RABGAP1: variants seen among roughly 807,000 people sequenced by gnomAD.
RABGAP1 encodes rab GTPase-activating protein 1.
In RABGAP1, 23 loss-of-function variants were observed where a neutral mutation model predicts 137.6. The ratio of observed to expected loss-of-function variants is 0.17; its 90% CI spans 0.12 to 0.24. The LOEUF is 0.24. RABGAP1 is among the 10% of genes least tolerant of loss of function. The probability of loss-of-function intolerance (pLI) is 1.00; values close to 1 mark genes in which losing one functional copy is unlikely to be tolerated. For synonymous variants in RABGAP1, 451 were observed against 450.7 expected (o/e 1.00, Z -0.01); for missense variants, 906 against 1,275.8 (o/e 0.71, Z 4.42).
chr9:122,988,005 A>G (rs1032506726), intron 4 of RABGAP1, among the ~76,000 whole-genome samples: 1 of 152,184 alleles, frequency 6.6e-6, no homozygotes, highest in African/African-American at 2.4e-5. Flanking sequence ...AATAATCTGT[A>G]TATGTAATTT....
At chr9:123,019,925 A>T (rs2131923535) in intron 12 of RABGAP1, among the ~76,000 whole-genome samples, 1 of 151,982 alleles carries the variant, frequency 6.6e-6, no homozygotes, top group East Asian at 1.9e-4. Flanking sequence ...CTCAGGTGAT[A>T]TACCCACCTC....
chr9:123,074,510 T>G, intron 17 of RABGAP1, 82 bp downstream of exon 17: 1 of 1,399,886 alleles, frequency 7.1e-7, no homozygotes, highest in Non-Finnish European at 9.7e-7. Context: ...GTGTCAGCTC[T>G]GTCAAAACAG....
intron 13 of RABGAP1, among the ~76,000 whole-genome samples, chr9:123,039,329 AG>A (rs2032834909): frequency 6.6e-6 from 1 of 152,170 alleles, no homozygotes; most frequent in African/African-American, 2.4e-5. Flanking sequence ...TCTGAAGGCA[AG>A]GGACAGTGTC....
intron 13 of RABGAP1, chr9:123,029,269 C>T: frequency 5.9e-6 from 3 of 509,436 alleles, no homozygotes; most frequent in Non-Finnish European, 1.1e-5. Context: ...AATAAACTCA[C>T]ATCAGCTGCA....
At chr9:122,961,063 G>A (rs1834826416) in intron 2 of RABGAP1, among the ~76,000 whole-genome samples, 1 of 151,984 alleles carries the variant, frequency 6.6e-6, no homozygotes, top group African/African-American at 2.4e-5. Context: ...TGTAATAGGA[G>A]TATCAAAAGG....
At chr9:122,968,587 C>G (rs751288481) in intron 2 of RABGAP1, among the ~76,000 whole-genome samples, 6 of 151,912 alleles carry the variant, frequency 3.9e-5, no homozygotes, top group Non-Finnish European at 7.4e-5. Context: ...CAGTTATACT[C>G]TTTTACTTTT....
chr9:123,079,851 G>C (rs560480634), intron 19 of RABGAP1, among the ~76,000 whole-genome samples: 127 of 152,190 alleles, frequency 8.3e-4, no homozygotes, highest in African/African-American at 2.9e-3. Flanking sequence ...ATGCCATTAC[G>C]TCCTTATCCT....
intron 10 of RABGAP1, among the ~76,000 whole-genome samples, chr9:122,999,051 A>G (rs142253978): frequency 1.6e-4 from 25 of 152,270 alleles, no homozygotes; most frequent in African/African-American, 5.3e-4. Context: ...ACTTCTCTAG[A>G]TGAAAATGTC....
chr9:123,095,831 T>G (rs1389519433), intron 21 of RABGAP1, among the ~76,000 whole-genome samples: 1 of 152,198 alleles, frequency 6.6e-6, no homozygotes, highest in East Asian at 1.9e-4. Flanking sequence ...CTTATACAAG[T>G]TTATTAGTAG....
intron 2 of RABGAP1, among the ~76,000 whole-genome samples, chr9:122,981,024 TTTGTTG>T (rs145998509): frequency 5.9e-5 from 9 of 151,788 alleles, no homozygotes; most frequent in Admixed American, 2.0e-4. Flanking sequence ...GTGGAGGTTT[TTTGTTG>T]TTGTTGTTGT....
chr9:123,080,245 G>A (rs1398751107), intron 19 of RABGAP1, among the ~76,000 whole-genome samples: 3 of 152,126 alleles, frequency 2.0e-5, no homozygotes, highest in African/African-American at 7.2e-5. Flanking sequence ...CAGTGTGTCT[G>A]CACAGCACAT....
intron 2 of RABGAP1, among the ~76,000 whole-genome samples, chr9:122,973,650 A>C (rs1835595686): frequency 6.6e-6 from 1 of 152,176 alleles, no homozygotes; most frequent in Admixed American, 6.5e-5. Flanking sequence ...CAGATAACAA[A>C]AGTCACTCTG....
intron 2 of RABGAP1, among the ~76,000 whole-genome samples, chr9:122,961,696 T>C (rs1834860258): frequency 6.6e-6 from 1 of 152,220 alleles, no homozygotes; most frequent in African/African-American, 2.4e-5. Flanking sequence ...TATAGGCACT[T>C]AATAGCTGTA....
intron 6 of RABGAP1, 160 bp downstream of exon 6, chr9:122,990,373 G>A: frequency 1.9e-6 from 1 of 533,188 alleles, no homozygotes; most frequent in Non-Finnish European, 2.9e-6. Flanking sequence ...ATTTAACAGA[G>A]GCAAAGTTTG....
Position 123,099,548 on chromosome 9 carries a change from G to A in RABGAP1, c.2888G>A (p.Arg963Gln), listed in dbSNP as rs765028510. The A allele has an allele frequency of 2.0e-5, 32 of 1,604,218 alleles. No homozygotes were observed. Among genetic ancestry groups the A allele is most frequent in the Admixed American group, 5.0e-5 (3 of 59,982 alleles). The change falls in exon 24 of 26, where the codon CGG (arginine) becomes CAG (glutamine). Residue 963 changes from arginine (R) to glutamine (Q), a missense_variant and splice_region_variant. Physicochemically the swap from Arg to Gln is conservative, Grantham distance 43. Around this residue, in one of 9 missense-constraint regions of RABGAP1, gnomAD observed 193 missense variants for 248.1 expected, o/e 0.78. Coordinates refer to ENST00000373647, the MANE Select transcript of RABGAP1 (RefSeq NM_012197.4). ...AATAAGGTGGAAATTGAGAAAATTCGGGTAAGACTTCTCTTTACCTAAAAG... is the reference window on the plus strand; with the variant it reads ...AATAAGGTGGAAATTGAGAAAATTCAGGTAAGACTTCTCTTTACCTAAAAG... ...TANKVEIEKI[R>Q]QKVDDCERCR...
At chr9:123,072,248 C>T (rs772698678) in intron 15 of RABGAP1, among the ~76,000 whole-genome samples, 7 of 152,136 alleles carry the variant, frequency 4.6e-5, no homozygotes, top group Non-Finnish European at 8.8e-5. Context: ...ATATGGGTTG[C>T]TCAACCTGTA....
intron 2 of RABGAP1, among the ~76,000 whole-genome samples, chr9:122,976,247 A>G (rs961078284): frequency 2.6e-5 from 4 of 152,232 alleles, no homozygotes; most frequent in Admixed American, 2.6e-4. Context: ...TTTCCTAAAG[A>G]ACTGTTCCTT....
In RABGAP1 at chr9:122,984,557, G is replaced by A. The variant is rs779816008; in HGVS notation, c.223G>A (p.Asp75Asn). The A allele has an allele frequency of 8.1e-6, 13 of 1,614,008 alleles. No homozygotes were observed. The highest frequency in any genetic ancestry group is 2.7e-5 in the African/African-American group (2 of 74,914). The part of the protein sequence containing the change: ...ADVLMDPPMD[D>N]QPGEKELVKR... ...TGTACTGATGGATCCTCCAATGGAC[G>A]ACCAGCCAGGGGAAAAGGAGCTTGT... Residue 75 changes from aspartate to asparagine, a missense_variant, in exon 3 of 26, where the codon GAC (aspartate) becomes AAC (asparagine). Asp to Asn is a conservative substitution (Grantham distance 23). Coordinates refer to ENST00000373647, the MANE Select transcript of RABGAP1 (RefSeq NM_012197.4).
At chr9:123,015,448 G>A (rs2031155877) in intron 11 of RABGAP1, 95 bp from the exon 12 acceptor site, 1 of 715,992 alleles carries the variant, frequency 1.4e-6, no homozygotes. Context: ...TATGCTCCCA[G>A]TAAAGTCTTT....
Sources: allele counts gnomAD v4.1 joint callset (sites outside exome capture counted in the v4.1 genomes callset), GRCh38; gene constraint gnomAD v4.1.1; regional missense constraint gnomAD v4.1.1; transcripts MANE v1.5; gene names NCBI Gene and HGNC (gene_info 2026-07-23, HGNC 2026-07-21).